Variants in PRMT7 observed in about 807,000 individuals in gnomAD.
The protein encoded by PRMT7 is protein arginine N-methyltransferase 7.
Under a neutral mutation model 85.4 loss-of-function variants are expected in PRMT7, and 75 were observed. That is an observed-to-expected ratio of 0.88 (90% confidence interval 0.73 to 1.06). PRMT7 has a LOEUF of 1.06. Ranked by LOEUF, PRMT7 falls within the 50% of genes least tolerant of loss-of-function variation. The probability of loss-of-function intolerance (pLI) is 0.00; values close to 1 mark genes in which losing one functional copy is unlikely to be tolerated. For synonymous variants in PRMT7, 397 were observed against 359.5 expected (o/e 1.10, Z -1.18); for missense variants, 868 against 915.2 (o/e 0.95, Z 0.67).
rs768459471 is a variant in PRMT7, at chr16:68,345,731, G to T, written c.984G>T (p.Val328=). 4 of 1,614,020 alleles carry T rather than the reference G, an allele frequency of 2.5e-6. No homozygotes were observed. In the East Asian group the frequency reaches 8.9e-5, roughly 36 times the overall value. Residue 328 remains valine, a synonymous_variant, in exon 10 of 19, where the codon GTG becomes GTT. Coordinates refer to ENST00000441236, the MANE Select transcript of PRMT7 (RefSeq NM_019023.5). ...VYFLPQEEPV[V]QGSALYLVAH... ...TCCTGCCACAAGAGGAGCCTGTGGT[G>T]CAGGGCTCAGCGCTCTATCTGGTAG...
chr16:68,356,210 A>G (rs4783623), intron 17 of PRMT7, among the ~76,000 whole-genome samples: 84,470 of 152,152 alleles, frequency 0.56, 23,844 homozygotes, highest in East Asian at 0.79. Flanking sequence ...CTGGGAGCTG[A>G]AGCAGGTCAG....
At chr16:68,344,032 C>T (rs1333987643) in intron 9 of PRMT7, among the ~76,000 whole-genome samples, 30 of 152,166 alleles carry the variant, frequency 2.0e-4, no homozygotes, top group Admixed American at 2.0e-3. Flanking sequence ...GTGGTGGCAC[C>T]TCTTAGCTCA....
chr16:68,350,430 T>C (rs967975783), intron 14 of PRMT7, among the ~76,000 whole-genome samples: 4 of 152,038 alleles, frequency 2.6e-5, no homozygotes, highest in African/African-American at 2.4e-5. Context: ...GCACCTGGCA[T>C]TGGCTTTTTT....
At position 68,355,906 on chromosome 16, in the gene PRMT7, G is replaced by A. The variant is rs745813011; in HGVS notation, c.1811+23G>A. Reference sequence around the variant, plus strand: ...AAGGTGGGTGCAGAGAGGGCTGGGGGGCAGGGAGGGGCTGCTGCTTGCCCT... The same window carrying A: ...AAGGTGGGTGCAGAGAGGGCTGGGGAGCAGGGAGGGGCTGCTGCTTGCCCT... On this transcript the variant is annotated intron_variant, in intron 17 of 18. Coordinates refer to ENST00000441236, the MANE Select transcript of PRMT7 (RefSeq NM_019023.5). 97 of 1,534,040 alleles carry A rather than the reference G, an allele frequency of 6.3e-5. No individual in the cohort carries two copies. The East Asian group carries it at 2.2e-3, about 35-fold the overall frequency.
chr16:68,346,336 C>A, intron 11 of PRMT7, 56 bp downstream of exon 11: 1 of 1,605,960 alleles, frequency 6.2e-7, no homozygotes, highest in South Asian at 1.1e-5. Context: ...AAGTTTGTCC[C>A]ATGAACCCCA....
In PRMT7 at chr16:68,357,748, G is replaced by GTT. The variant is rs999335992; in HGVS notation, c.*525_*526dup. 2 of 155,202 alleles carry GTT rather than the reference G, an allele frequency of 1.3e-5. No individual in the cohort carries two copies. The highest frequency in any genetic ancestry group is 4.8e-5 in the African/African-American group (2 of 41,464). The allele number at this position is 155,202 out of a possible 1,614,324, so 9.6% of individuals were successfully genotyped here. A position where few individuals can be genotyped will look rare whatever the true frequency, so the allele number is the denominator to read the frequency against. On this transcript the variant is annotated 3_prime_UTR_variant, in exon 19 of 19. Coordinates refer to ENST00000441236, the MANE Select transcript of PRMT7 (RefSeq NM_019023.5). The stretch of plus-strand genomic sequence containing the variant: ...GCTGGGCCCGGGCTGAGAGGCCTGG[G>GTT]TTCTGGCCCTTTCACCTGACAGGTA...
rs2086525558 is a variant in PRMT7 at position 68,347,088 on chromosome 16, C to G, written c.1192-123C>G. The G allele has an allele frequency of 9.7e-6, 8 of 825,814 alleles. 1 individual carries two copies. The South Asian group carries it at 1.2e-4, about 13-fold the overall frequency. The allele number at this position is 825,814 out of a possible 1,614,324, so 51.2% of individuals were successfully genotyped here. ...TGGGGGTGGTTACTGCATGAGGACG[C>G]AGGGGGATGGTCTGAGGTCTGGGCA... On this transcript the variant is annotated intron_variant, in intron 11 of 18. Coordinates refer to ENST00000441236, the MANE Select transcript of PRMT7 (RefSeq NM_019023.5).
intron 9 of PRMT7, among the ~76,000 whole-genome samples, chr16:68,343,167 G>GC: frequency 6.6e-6 from 1 of 151,948 alleles, no homozygotes; most frequent in South Asian, 2.1e-4. Flanking sequence ...CTGCACCATT[G>GC]CCCTCCAGCC....
chr16:68,353,381 G>T, intron 15 of PRMT7, 111 bp from the exon 16 acceptor site: 1 of 1,557,486 alleles, frequency 6.4e-7, no homozygotes, highest in East Asian at 2.4e-5. Flanking sequence ...TTCATACTTG[G>T]GGGTCTCTTT....
intron 3 of PRMT7, among the ~76,000 whole-genome samples, chr16:68,317,381 A>G (rs2081989307): frequency 6.6e-6 from 1 of 152,212 alleles, no homozygotes; most frequent in African/African-American, 2.4e-5. Flanking sequence ...AAGTTTGAGC[A>G]GCAGGGATTA....
intron 3 of PRMT7, 23 bp from the exon 4 acceptor site, chr16:68,321,403 T>C (rs1273275968): frequency 6.3e-7 from 1 of 1,589,664 alleles, no homozygotes; most frequent in Admixed American, 1.7e-5. Context: ...CATGCAAAGG[T>C]TACTGACTTT....
chr16:68,311,061 T>C lies in PRMT7; in HGVS notation c.-257T>C, dbSNP rs993743827. The C allele has an allele frequency of 2.4e-6, 2 of 837,976 alleles. No homozygotes were observed. Among genetic ancestry groups the C allele is most frequent in the Admixed American group, 4.0e-5 (2 of 49,760 alleles). The allele number at this position is 837,976 out of a possible 1,614,324, so 51.9% of individuals were successfully genotyped here. ...CCCCGCGTGCTGGCCGCGGTAAAAG[T>C]GGTAGCAGCGGAGGCGAGCGGAGGG... On this transcript the variant is annotated 5_prime_UTR_variant, in exon 1 of 19. Coordinates refer to ENST00000441236, the MANE Select transcript of PRMT7 (RefSeq NM_019023.5).
At chr16:68,331,443 C>G (rs1255796961) in intron 6 of PRMT7, among the ~76,000 whole-genome samples, 1 of 148,082 alleles carries the variant, frequency 6.8e-6, no homozygotes, top group Non-Finnish European at 1.5e-5. Flanking sequence ...ATTTAGTAAA[C>G]TTTTCATTTC....
chr16:68,333,974 T>C (rs1218454771), intron 6 of PRMT7, among the ~76,000 whole-genome samples: 2 of 152,090 alleles, frequency 1.3e-5, no homozygotes, highest in Admixed American at 6.6e-5. Context: ...TTTCACTATG[T>C]TGGCCAAGCT....
chr16:68,345,298 T>G (rs898501667), intron 9 of PRMT7, among the ~76,000 whole-genome samples: 1 of 152,224 alleles, frequency 6.6e-6, no homozygotes, highest in Non-Finnish European at 1.5e-5. Context: ...AAGGTTCCCC[T>G]TAAACCACTA....
chr16:68,313,205 A>G (rs1027165930), intron 2 of PRMT7, among the ~76,000 whole-genome samples: 1 of 152,216 alleles, frequency 6.6e-6, no homozygotes, highest in South Asian at 2.1e-4. Context: ...CCTATGGATT[A>G]AAGTTCTTCA....
At chr16:68,329,701 C>G (rs533772747) in intron 6 of PRMT7, among the ~76,000 whole-genome samples, 3 of 152,040 alleles carry the variant, frequency 2.0e-5, no homozygotes, top group Non-Finnish European at 4.4e-5. Flanking sequence ...AACTCTATCT[C>G]TACTAAAAAT....
chr16:68,312,768 G>A (rs1000765472), intron 2 of PRMT7, among the ~76,000 whole-genome samples: 75 of 152,302 alleles, frequency 4.9e-4, no homozygotes, highest in Non-Finnish European at 8.7e-4. Context: ...AAGGTGTGTA[G>A]TGCCCACCAG....
rs377218348 is a variant in PRMT7, at chr16:68,353,574, G to A, written c.1650+8G>A. 4.1e-5 allele frequency: 65 copies of A among 1,571,780 alleles called. No homozygotes were observed. Among genetic ancestry groups the A allele is most frequent in the Non-Finnish European group, 4.9e-5 (57 of 1,158,716 alleles). On this transcript the variant is annotated splice_region_variant and intron_variant, in intron 16 of 18. Transcript: ENST00000441236. ...ATGGACGACATGATTAAGGTAGGCA[G>A]GGCCACACTCTGCATAGTACCCCCG... is the stretch of plus-strand genomic sequence containing the variant.
Sources: allele counts gnomAD v4.1 joint callset (sites outside exome capture counted in the v4.1 genomes callset), GRCh38; gene constraint gnomAD v4.1.1; transcripts MANE v1.5; gene names NCBI Gene and HGNC (gene_info 2026-07-23, HGNC 2026-07-21).